Variants in PTGS1 observed in about 807,000 individuals in gnomAD.
The protein encoded by PTGS1 is prostaglandin-endoperoxide synthase 1.
Under a neutral mutation model 63.0 loss-of-function variants are expected in PTGS1, and 40 were observed. The ratio of observed to expected loss-of-function variants is 0.63; its 90% CI spans 0.49 to 0.83. PTGS1 has a LOEUF of 0.83. PTGS1 is among the 40% of genes least tolerant of loss of function. The pLI is 0.00. For synonymous variants in PTGS1, 298 were observed against 301.9 expected, an observed-to-expected ratio of 0.99 and a Z score of 0.13; for missense variants, 709 against 786.5, an observed-to-expected ratio of 0.90 and a Z score of 1.18.
chr9:122,375,256 C>T, intron 2 of PTGS1: 8 of 982,678 alleles, frequency 8.1e-6, no homozygotes, highest in Non-Finnish European at 8.5e-6. Flanking sequence ...AGGGAGGAGC[C>T]TCAGCTCCCG....
rs1837511334 is a variant in PTGS1 at position 122,381,467 on chromosome 9, C to G, written c.593C>G (p.Ala198Gly). 1 of 1,614,086 alleles carries G rather than the reference C, an allele frequency of 6.2e-7. No homozygotes were observed. Among genetic ancestry groups the G allele is most frequent in the African/African-American group, 1.3e-5 (1 of 74,914 alleles). The part of the protein sequence containing the change: ...PDPQGTNLMF[A>G]FFAQHFTHQF... Reference sequence around the variant, plus strand: ...CCCCAAGGCACCAACCTCATGTTTGCCTTCTTTGCACAACACTTCACCCAC... The same window carrying G: ...CCCCAAGGCACCAACCTCATGTTTGGCTTCTTTGCACAACACTTCACCCAC... Residue 198 changes from alanine to glycine, a missense_variant, in exon 6 of 11, where the codon GCC (alanine) becomes GGC (glycine). Physicochemically the swap from Ala to Gly is moderately conservative, Grantham distance 60. Transcript: ENST00000362012.
chr9:122,392,500 C>T lies in PTGS1; in HGVS notation c.1756C>T (p.Gln586Ter). The T allele has an allele frequency of 6.2e-7, 1 of 1,614,068 alleles. No homozygotes were observed. The highest frequency in any genetic ancestry group is 8.5e-7 in the Non-Finnish European group (1 of 1,180,004). ...YVSFRVPDASQDDGPAVERPS... is the reference protein window; with the variant it reads ...YVSFRVPDAS ...TTCCTTCCGTGTGCCGGATGCCAGT[C>T]AGGATGATGGGCCTGCTGTGGAGCG... is the stretch of plus-strand genomic sequence containing the variant. Residue 586 changes from glutamine (Q) to a stop codon, truncating the protein, a stop_gained, in exon 11 of 11, where the codon CAG becomes TAG. Coordinates refer to ENST00000362012, the MANE Select transcript of PTGS1 (RefSeq NM_000962.4). LOFTEE classifies it high-confidence loss of function.
At chr9:122,372,348 G>A (rs758452903) in intron 2 of PTGS1, among the ~76,000 whole-genome samples, 6 of 152,168 alleles carry the variant, frequency 3.9e-5, no homozygotes, top group Non-Finnish European at 8.8e-5. Flanking sequence ...AAGAGAGGAC[G>A]GAGGGTGCTC....
intron 7 of PTGS1, among the ~76,000 whole-genome samples, 159 bp from the exon 8 acceptor site, chr9:122,383,350 T>C (rs1232991767): frequency 6.6e-6 from 1 of 151,574 alleles, no homozygotes; most frequent in African/African-American, 2.4e-5. Flanking sequence ...GTGGTAGAGA[T>C]GGAGAGCAGG....
Position 122,381,425 on chromosome 9 carries a change from G to A in PTGS1, c.551G>A (p.Arg184Lys), listed in dbSNP as rs1837508233. The A allele has an allele frequency of 6.2e-7, 1 of 1,614,060 alleles. No individual in the cohort carries two copies. Among genetic ancestry groups the A allele is most frequent in the Non-Finnish European group, 8.5e-7 (1 of 1,180,038 alleles). Reference sequence around the variant, plus strand: ...CTGGCCCGCCGCTTCCTGCTCAGGAGGAAGTTCATACCTGACCCCCAAGGC... The same window carrying A: ...CTGGCCCGCCGCTTCCTGCTCAGGAAGAAGTTCATACCTGACCCCCAAGGC... ...QLLARRFLLR[R>K]KFIPDPQGTN... Residue 184 changes from arginine to lysine, a missense_variant, in exon 6 of 11, where the codon AGG becomes AAG. By Grantham distance (26) the Arg-to-Lys change is conservative (BLOSUM62 2). Transcript: ENST00000362012.
chr9:122,378,203 C>A (rs1448872342), intron 3 of PTGS1, among the ~76,000 whole-genome samples, 188 bp downstream of exon 3: 3 of 152,202 alleles, frequency 2.0e-5, no homozygotes, highest in Non-Finnish European at 4.4e-5. Context: ...CCCTCACTCC[C>A]TGCTTCTGAG....
At chr9:122,379,067 G>A in intron 5 of PTGS1, 149 bp downstream of exon 5, 1 of 1,157,776 alleles carries the variant, frequency 8.6e-7, no homozygotes, top group Non-Finnish European at 1.2e-6. Context: ...AGCCTGGGCT[G>A]AGAACAGGCA....
chr9:122,383,497 C>T lies in PTGS1; in HGVS notation c.763-12C>T. On this transcript the variant is annotated splice_polypyrimidine_tract_variant and intron_variant, in intron 7 of 10. Coordinates refer to ENST00000362012, the MANE Select transcript of PTGS1 (RefSeq NM_000962.4). ...CCCCAACCCCAGGTTGCCAGGTGGCCCCATCCCACAGGTGCTGGATGGAGA... is the reference window on the plus strand; with the variant it reads ...CCCCAACCCCAGGTTGCCAGGTGGCTCCATCCCACAGGTGCTGGATGGAGA... The T allele has an allele frequency of 6.3e-7, 1 of 1,587,336 alleles. No homozygotes were observed. Among genetic ancestry groups the T allele is most frequent in the Non-Finnish European group, 8.6e-7 (1 of 1,160,326 alleles).
At chr9:122,382,469 T>C (rs565741647) in intron 7 of PTGS1, among the ~76,000 whole-genome samples, 1 of 152,386 alleles carries the variant, frequency 6.6e-6, no homozygotes, top group South Asian at 2.1e-4. Context: ...AATGTACAGC[T>C]GAATAAGTAG....
intron 9 of PTGS1, among the ~76,000 whole-genome samples, chr9:122,387,793 C>A (rs1378639385): frequency 6.6e-6 from 1 of 152,254 alleles, no homozygotes; most frequent in African/African-American, 2.4e-5. Context: ...TCCCAGCCAA[C>A]GCCTTCCTCA....
At chr9:122,371,381 G>C in intron 2 of PTGS1, 109 bp downstream of exon 2, 2 of 1,533,442 alleles carry the variant, frequency 1.3e-6, no homozygotes, top group Non-Finnish European at 8.8e-7. Flanking sequence ...TTCTGCTCGC[G>C]GTGCTGAGAA....
At position 122,383,560 on chromosome 9, in the gene PTGS1, A is replaced by T; in HGVS notation, c.814A>T (p.Met272Leu). Residue 272 changes from methionine to leucine, a missense_variant, in exon 8 of 11, where the codon ATG becomes TTG. Coordinates refer to ENST00000362012, the MANE Select transcript of PTGS1 (RefSeq NM_000962.4). ...PPSVEEAPVL[M>L]HYPRGIPPQS... ...CTCGGTAGAAGAGGCGCCTGTGTTG[A>T]TGCACTACCCCCGAGGCATCCCGCC... 2 of 1,613,928 alleles carry T rather than the reference A, an allele frequency of 1.2e-6. No individual in the cohort carries two copies. Among genetic ancestry groups the T allele is most frequent in the South Asian group, 2.2e-5 (2 of 91,070 alleles).
intron 2 of PTGS1, chr9:122,371,868 C>A: frequency 7.0e-7 from 1 of 1,426,184 alleles, no homozygotes; most frequent in South Asian, 1.2e-5. Flanking sequence ...TCACAAAATA[C>A]ATGGTGGGCC....
Position 122,371,233 on chromosome 9 carries a change from C to T in PTGS1, c.55C>T (p.Leu19Phe). Residue 19 changes from leucine (L) to phenylalanine (F), a missense_variant, in exon 2 of 11, where the codon CTC becomes TTC. Leu to Phe is a conservative substitution (Grantham distance 22). Transcript: ENST00000362012. ...FLLFLLLLPP[L>F]PVLLADPGAP... is the part of the protein sequence containing the mutation. ...GCTGTTCCTGCTCCTGCTCCCGCCGCTCCCCGTCCTGCTCGCGGACCCAGG... is the reference window on the plus strand; with the variant it reads ...GCTGTTCCTGCTCCTGCTCCCGCCGTTCCCCGTCCTGCTCGCGGACCCAGG... 1 of 1,607,794 alleles carries T rather than the reference C, an allele frequency of 6.2e-7. No individual in the cohort carries two copies. Among genetic ancestry groups the T allele is most frequent in the Non-Finnish European group, 8.5e-7 (1 of 1,179,884 alleles).
intron 8 of PTGS1, among the ~76,000 whole-genome samples, chr9:122,386,092 C>T (rs916208183): frequency 6.7e-6 from 1 of 149,186 alleles, no homozygotes; most frequent in Non-Finnish European, 1.5e-5. Flanking sequence ...ACTTGCAGTT[C>T]AAGACCAGCC....
rs1050750179 is a variant in PTGS1, at chr9:122,378,360, C to T, written c.212-73C>T. The T allele has an allele frequency of 9.4e-6, 15 of 1,596,414 alleles. No individual in the cohort carries two copies. The African/African-American group carries it at 2.0e-4, about 21-fold the overall frequency. On this transcript the variant is annotated intron_variant, in intron 3 of 10. Transcript: ENST00000362012. ...TCCACCCTGGCCCTTGTCCTCAGTG[C>T]CCCATCTTCCACCCTGGCTACTTCT...
At chr9:122,391,336 G>GTGTATATATAC in intron 10 of PTGS1, among the ~76,000 whole-genome samples, 1 of 110,164 alleles carries the variant, frequency 9.1e-6, no homozygotes, top group South Asian at 2.4e-4. Flanking sequence ...ATATGTGTGT[G>GTGTATATATAC]TATATATATA....
At chr9:122,390,633 C>T (rs1054296934) in intron 10 of PTGS1, among the ~76,000 whole-genome samples, 1 of 152,020 alleles carries the variant, frequency 6.6e-6, no homozygotes, top group Admixed American at 6.6e-5. Context: ...CAAGGTGGCT[C>T]GCGCCTGTAA....
At position 122,377,915 on chromosome 9, in the gene PTGS1, C is replaced by T. The variant is rs146798706; in HGVS notation, c.111C>T (p.Tyr37=). The stretch of plus-strand genomic sequence containing the variant: ...CACCCACAGTGAATCCCTGTTGTTA[C>T]TATCCATGCCAGCACCAGGGCATCT... The part of the protein sequence containing the change: ...GAPTPVNPCC[Y]YPCQHQGICV... The change falls in exon 3 of 11, where the codon TAC becomes TAT. Residue 37 remains tyrosine, a synonymous_variant. Coordinates refer to ENST00000362012, the MANE Select transcript of PTGS1 (RefSeq NM_000962.4). 63 of 1,614,094 alleles carry T rather than the reference C, an allele frequency of 3.9e-5. No homozygotes were observed. In the African/African-American group the frequency reaches 8.3e-4, roughly 21 times the overall value.
Sources: gnomAD v4.1 joint callset for allele counts (sites outside exome capture counted in the v4.1 genomes callset) on GRCh38, gnomAD v4.1.1 for gene constraint, MANE v1.5 for transcripts, NCBI Gene and HGNC (gene_info 2026-07-23, HGNC 2026-07-21) for gene names.